The following PHF20 variants were observed in gnomAD, a reference collection of about 807,000 sequenced individuals.
PHF20 encodes glioma-expressed antigen 2.
A neutral mutation model predicts 113.5 loss-of-function variants in PHF20; 23 were observed. That is an observed-to-expected ratio of 0.20 (90% CI 0.15 to 0.29). The LOEUF (loss-of-function observed/expected upper bound fraction) is 0.29. PHF20 is among the 10% of genes least tolerant of loss of function. The probability of loss-of-function intolerance (pLI) is 1.00; values close to 1 mark genes in which losing one functional copy is unlikely to be tolerated. For missense variants in PHF20, 943 were observed against 1,219.6 expected (o/e 0.77, Z 3.38); for synonymous variants, 434 against 457.3 (o/e 0.95, Z 0.65).
chr20:35,794,039 C>CG (rs1323645955), intron 1 of PHF20, among the ~76,000 whole-genome samples: 1 of 133,248 alleles, frequency 7.5e-6, no homozygotes, highest in Non-Finnish European at 1.6e-5. Context: ...GTGGCTCACA[C>CG]CTGTAATCCC....
At chr20:35,934,252 T>C (rs927972813) in intron 15 of PHF20, among the ~76,000 whole-genome samples, 2 of 152,180 alleles carry the variant, frequency 1.3e-5, no homozygotes, top group African/African-American at 4.8e-5. Context: ...GGCTTCAAGA[T>C]CTGCGTGACA....
chr20:35,813,223 G>A (rs1269534575), intron 2 of PHF20, among the ~76,000 whole-genome samples: 1 of 152,076 alleles, frequency 6.6e-6, no homozygotes, highest in Non-Finnish European at 1.5e-5. Context: ...GCCCATCTCG[G>A]CCTCCCAAAG....
intron 1 of PHF20, among the ~76,000 whole-genome samples, chr20:35,798,705 C>T (rs1412146030): frequency 2.0e-5 from 3 of 152,016 alleles, no homozygotes; most frequent in East Asian, 1.9e-4. Context: ...CCGGCAGCCT[C>T]GGCCTCCCAA....
At chr20:35,851,200 T>C (rs980715535) in intron 4 of PHF20, among the ~76,000 whole-genome samples, 1 of 152,190 alleles carries the variant, frequency 6.6e-6, no homozygotes, top group Non-Finnish European at 1.5e-5. Flanking sequence ...AAATGGGGAA[T>C]TGGTCCTTTC....
intron 1 of PHF20, among the ~76,000 whole-genome samples, chr20:35,799,840 T>C (rs2041744073): frequency 6.6e-6 from 1 of 152,114 alleles, no homozygotes; most frequent in Non-Finnish European, 1.5e-5. Flanking sequence ...ACTAATTTTG[T>C]ATTTTTAGTA....
intron 5 of PHF20, among the ~76,000 whole-genome samples, chr20:35,862,653 G>A (rs775859669): frequency 1.5e-4 from 23 of 152,232 alleles, no homozygotes; most frequent in Middle Eastern, 3.4e-3. Context: ...AGGATCGCTT[G>A]GGCCTGGGAG....
At chr20:35,815,471 T>C (rs1237059449) in intron 2 of PHF20, among the ~76,000 whole-genome samples, 2 of 148,532 alleles carry the variant, frequency 1.3e-5, no homozygotes, top group African/African-American at 4.9e-5. Flanking sequence ...TCTTTTATTC[T>C]TTTTTTTTTG....
Position 35,940,893 on chromosome 20 carries a change from A to G in PHF20, c.2742A>G (p.Leu914=). 1 of 1,613,928 alleles carries G rather than the reference A, an allele frequency of 6.2e-7. No individual in the cohort carries two copies. The highest frequency in any genetic ancestry group is 1.1e-5 in the South Asian group (1 of 91,062). Residue 914 remains leucine, a synonymous_variant, in exon 17 of 18, where the codon CTA becomes CTG. Transcript: ENST00000374012. The part of the protein sequence containing the change: ...KVKEYVSKKA[L]PEEAPARKLL... ...AGGAATATGTCTCCAAAAAGGCCCT[A>G]CCAGAAGAAGCCCCTGCTCGGAAGC...
chr20:35,813,331 C>T (rs765041934), intron 2 of PHF20, among the ~76,000 whole-genome samples: 22 of 152,162 alleles, frequency 1.4e-4, no homozygotes, highest in Non-Finnish European at 2.9e-4. Context: ...GTGGTGTAGT[C>T]AATTCCATTC....
intron 2 of PHF20, among the ~76,000 whole-genome samples, chr20:35,803,035 C>T (rs1443547260): frequency 1.3e-5 from 2 of 150,354 alleles, no homozygotes; most frequent in African/African-American, 2.4e-5. Context: ...GGGCGGATCA[C>T]GAGGTCAGGA....
intron 9 of PHF20, among the ~76,000 whole-genome samples, chr20:35,899,157 T>C (rs1432353966): frequency 1.3e-5 from 2 of 152,208 alleles, no homozygotes; most frequent in Admixed American, 1.3e-4. Flanking sequence ...TGTTGATTTC[T>C]TCTTCCTAAA....
At chr20:35,795,236 TAC>T (rs1025961108) in intron 1 of PHF20, among the ~76,000 whole-genome samples, 1 of 150,866 alleles carries the variant, frequency 6.6e-6, no homozygotes, top group African/African-American at 2.4e-5. Context: ...ATTTATTGAG[TAC>T]CTACTTGTTT....
chr20:35,873,627 A>G (rs1175444353), intron 9 of PHF20, among the ~76,000 whole-genome samples: 4 of 150,824 alleles, frequency 2.7e-5, no homozygotes, highest in Non-Finnish European at 5.9e-5. Context: ...CACCACCACA[A>G]TCGGCTAATT....
chr20:35,864,977 G>A (rs1188299266), intron 6 of PHF20, among the ~76,000 whole-genome samples: 1 of 152,054 alleles, frequency 6.6e-6, no homozygotes, highest in Non-Finnish European at 1.5e-5. Flanking sequence ...CTTGAGGTTA[G>A]GAGTTTGAGA....
At chr20:35,779,782 A>G (rs148099722) in intron 1 of PHF20, among the ~76,000 whole-genome samples, 44 of 152,166 alleles carry the variant, frequency 2.9e-4, no homozygotes, top group African/African-American at 1.0e-3. Context: ...CGGCCTCCCA[A>G]ACTGCTGGGA....
intron 1 of PHF20, chr20:35,782,716 C>T (rs1346745457): frequency 6.6e-6 from 1 of 152,206 alleles, no homozygotes; most frequent in Admixed American, 6.6e-5. Context: ...ATGGCTTAAA[C>T]CTCTTGAACC....
chr20:35,844,176 C>T (rs2042579189), intron 3 of PHF20, among the ~76,000 whole-genome samples: 1 of 152,002 alleles, frequency 6.6e-6, no homozygotes, highest in African/African-American at 2.4e-5. Context: ...GATCTCACCT[C>T]ACTGCAACCT....
At chr20:35,860,237 A>AT (rs34253757) in intron 5 of PHF20, among the ~76,000 whole-genome samples, 2,156 of 129,724 alleles carry the variant, frequency 0.017, 22 homozygotes, top group Middle Eastern at 0.029. Context: ...TTTCTAAGAA[A>AT]TTTTTTTTTT....
At chr20:35,884,849 G>T (rs1404412245) in intron 9 of PHF20, among the ~76,000 whole-genome samples, 1 of 151,758 alleles carries the variant, frequency 6.6e-6, no homozygotes, top group Non-Finnish European at 1.5e-5. Flanking sequence ...TTCATTTTTT[G>T]AGATGGATTC....
Sources: allele counts gnomAD v4.1 joint callset (sites outside exome capture counted in the v4.1 genomes callset), GRCh38; gene constraint gnomAD v4.1.1; transcripts MANE v1.5; gene names NCBI Gene and HGNC (gene_info 2026-07-23, HGNC 2026-07-21).